Variants in MAN1A1 observed in about 807,000 individuals in gnomAD.
The protein encoded by MAN1A1 is mannosidase alpha class 1A member 1.
Under a neutral mutation model 70.8 loss-of-function variants are expected in MAN1A1, and 29 were observed. The observed-to-expected ratio is 0.41, with a 90% CI of 0.31 to 0.56. The LOEUF is 0.56. Ranked by LOEUF, MAN1A1 falls within the 20% of genes least tolerant of loss-of-function variation. The probability of loss-of-function intolerance (pLI) is 0.29; values close to 1 mark genes in which losing one functional copy is unlikely to be tolerated. For missense variants in MAN1A1, 747 were observed against 841.3 expected, an observed-to-expected ratio of 0.89 and a Z score of 1.39; for synonymous variants, 349 against 330.1, an observed-to-expected ratio of 1.06 and a Z score of -0.62.
chr6:119,274,600 A>G (rs189181840), intron 5 of MAN1A1, among the ~76,000 whole-genome samples: 38 of 152,358 alleles, frequency 2.5e-4, no homozygotes, highest in African/African-American at 9.1e-4. Flanking sequence ...TACCTCATTC[A>G]GTGTCTCAAC....
chr6:119,333,889 G>A (rs1773385075), intron 2 of MAN1A1, among the ~76,000 whole-genome samples: 1 of 152,126 alleles, frequency 6.6e-6, no homozygotes, highest in African/African-American at 2.4e-5. Flanking sequence ...CAGATCACAG[G>A]TGGGTGGAGA....
intron 6 of MAN1A1, among the ~76,000 whole-genome samples, chr6:119,207,183 T>C (rs1773885683): frequency 6.6e-6 from 1 of 152,190 alleles, no homozygotes; most frequent in Admixed American, 6.5e-5. Flanking sequence ...GTTAAATTTA[T>C]CCTTCCTTCC....
At chr6:119,306,381 T>C (rs1450236909) in intron 3 of MAN1A1, among the ~76,000 whole-genome samples, 1 of 152,164 alleles carries the variant, frequency 6.6e-6, no homozygotes, top group East Asian at 1.9e-4. Flanking sequence ...CAATAAAGCT[T>C]GCAAAAGTGG....
chr6:119,274,406 T>C (rs1775999712), intron 5 of MAN1A1, among the ~76,000 whole-genome samples: 2 of 152,312 alleles, frequency 1.3e-5, no homozygotes, highest in South Asian at 4.1e-4. Flanking sequence ...AAGTGCTTTT[T>C]GGAGTTCTCT....
In MAN1A1 at chr6:119,182,668, C is replaced by G. The variant is rs149874254; in HGVS notation, c.1720-2241G>C. Among the ~76,000 whole-genome samples, 1,171 of 152,132 alleles carry G rather than the reference C, an allele frequency of 7.7e-3. 8 individuals carry two copies. The highest frequency in any genetic ancestry group is 0.014 in the Non-Finnish European group (943 of 67,998). On this transcript the variant is annotated intron_variant, in intron 11 of 12. Transcript: ENST00000368468. ...TGGTCAAATAAAAATTTCCATCGTA[C>G]AAAAATTGCCATCTGCAATCTGGTT...
At chr6:119,187,457 TGTTA>T (rs752204895) in intron 11 of MAN1A1, among the ~76,000 whole-genome samples, 19 of 152,322 alleles carry the variant, frequency 1.2e-4, no homozygotes, top group Non-Finnish European at 2.6e-4. Flanking sequence ...AGAGAATTGC[TGTTA>T]TTTAAAATGA....
chr6:119,216,446 G>A (rs1027501055), intron 6 of MAN1A1, among the ~76,000 whole-genome samples: 3 of 152,156 alleles, frequency 2.0e-5, no homozygotes, highest in Non-Finnish European at 4.4e-5. Flanking sequence ...GGGAAGACAG[G>A]ATCAAAGATG....
At chr6:119,324,620 C>A (rs1327384111) in intron 2 of MAN1A1, among the ~76,000 whole-genome samples, 1 of 152,214 alleles carries the variant, frequency 6.6e-6, no homozygotes, top group Non-Finnish European at 1.5e-5. Context: ...AAGTTAAGCA[C>A]ACTCTTTTCC....
chr6:119,322,536 T>C (rs1342750063), intron 2 of MAN1A1, among the ~76,000 whole-genome samples: 1 of 152,188 alleles, frequency 6.6e-6, no homozygotes, highest in Non-Finnish European at 1.5e-5. Flanking sequence ...AATGCCACTA[T>C]GTACACCGAA....
intron 8 of MAN1A1, among the ~76,000 whole-genome samples, chr6:119,199,595 T>C (rs1334573533): frequency 6.6e-6 from 1 of 152,118 alleles, no homozygotes; most frequent in East Asian, 1.9e-4. Flanking sequence ...ACCAGTATCC[T>C]TTTTTAAAAT....
At chr6:119,264,890 T>C (rs888960377) in intron 5 of MAN1A1, among the ~76,000 whole-genome samples, 18 of 152,170 alleles carry the variant, frequency 1.2e-4, no homozygotes, top group Non-Finnish European at 1.6e-4. Flanking sequence ...TGTTTTAGCA[T>C]AGGACTGGTG....
chr6:119,216,738 T>C (rs1774216167), intron 6 of MAN1A1, among the ~76,000 whole-genome samples: 1 of 152,150 alleles, frequency 6.6e-6, no homozygotes, highest in South Asian at 2.1e-4. Context: ...ATACATATGG[T>C]AAAAAATTGA....
intron 5 of MAN1A1, among the ~76,000 whole-genome samples, chr6:119,283,295 T>C (rs552821948): frequency 1.2e-3 from 182 of 152,336 alleles, no homozygotes; most frequent in Middle Eastern, 3.4e-3. Context: ...GAATTTTCTG[T>C]TGCAGTTTTA....
chr6:119,219,115 T>C (rs1407458721), intron 6 of MAN1A1, among the ~76,000 whole-genome samples: 2 of 152,208 alleles, frequency 1.3e-5, no homozygotes, highest in Non-Finnish European at 2.9e-5. Context: ...GAGGACTTAC[T>C]GTATTCTGAA....
At chr6:119,207,459 G>A (rs1289095794) in intron 6 of MAN1A1, among the ~76,000 whole-genome samples, 1 of 152,154 alleles carries the variant, frequency 6.6e-6, no homozygotes, top group Non-Finnish European at 1.5e-5. Context: ...GTCAGGGAAG[G>A]GGTTCAAGAA....
intron 4 of MAN1A1, among the ~76,000 whole-genome samples, chr6:119,294,940 C>T (rs1772161604): frequency 1.3e-5 from 2 of 152,070 alleles, no homozygotes; most frequent in African/African-American, 4.8e-5. Context: ...CACCTTAGAT[C>T]TATCCCTTTT....
chr6:119,292,849 A>C (rs1190610787), intron 4 of MAN1A1, among the ~76,000 whole-genome samples: 1 of 152,088 alleles, frequency 6.6e-6, no homozygotes, highest in Non-Finnish European at 1.5e-5. Flanking sequence ...AATTTTACAT[A>C]AATATTGGCA....
chr6:119,248,282 A>C lies in MAN1A1; in HGVS notation c.970T>G (p.Trp324Gly), dbSNP rs1317827698. 6.2e-7 allele frequency: 1 copy of C among 1,611,742 alleles called. No homozygotes were observed. The highest frequency in any genetic ancestry group is 2.2e-5 in the East Asian group (1 of 44,858). Residue 324 changes from tryptophan (W) to glycine (G), a missense_variant, in exon 6 of 13, where the codon TGG becomes GGG. This residue lies in a region of MAN1A1 where 419 missense variants were observed against 548.2 expected (regional missense o/e 0.76). Transcript: ENST00000368468. ...PAFHTPSGIP[W>G]ALLNMKSGIG... Reference sequence around the variant, plus strand: ...TACCTTTTCATATTCAGCAATGCCCAAGGTATTCCAGAGGGAGTATGAAAT... The same window carrying C: ...TACCTTTTCATATTCAGCAATGCCCCAGGTATTCCAGAGGGAGTATGAAAT...
intron 5 of MAN1A1, among the ~76,000 whole-genome samples, chr6:119,257,607 A>G (rs1253068731): frequency 1.3e-5 from 2 of 152,218 alleles, no homozygotes; most frequent in East Asian, 1.9e-4. Context: ...AGAAGAAAGT[A>G]TATGCTTTTG....
Sources: gnomAD v4.1 joint callset for allele counts (sites outside exome capture counted in the v4.1 genomes callset) on GRCh38, gnomAD v4.1.1 for gene constraint, gnomAD v4.1.1 regional missense constraint, MANE v1.5 for transcripts, NCBI Gene and HGNC (gene_info 2026-07-23, HGNC 2026-07-21) for gene names.